The following SCUBE1 variants were observed in gnomAD, a reference collection of about 807,000 sequenced individuals.
SCUBE1 encodes the protein signal peptide, CUB domain and EGF like domain containing 1, also known as signal peptide, CUB and EGF-like domain-containing protein 1.
Under a neutral mutation model 124.4 loss-of-function variants are expected in SCUBE1, and 59 were observed. The ratio of observed to expected loss-of-function variants is 0.47; its 90% CI spans 0.38 to 0.59. SCUBE1 has a LOEUF of 0.59. SCUBE1 is among the 20% of genes least tolerant of loss of function. SCUBE1 has a pLI of 0.00. For missense variants in SCUBE1, 1,150 were observed against 1,371.2 expected (o/e 0.84, Z 2.55); for synonymous variants, 545 against 550.9 (o/e 0.99, Z 0.15).
At chr22:43,286,087 G>A (rs1925129973) in intron 4 of SCUBE1, among the ~76,000 whole-genome samples, 1 of 152,194 alleles carries the variant, frequency 6.6e-6, no homozygotes, top group South Asian at 2.1e-4. Flanking sequence ...CTTGTTGTGG[G>A]GCCCTGGGCC....
chr22:43,212,277 C>A, intron 17 of SCUBE1, 148 bp downstream of exon 17: 2 of 867,408 alleles, frequency 2.3e-6, no homozygotes, highest in Non-Finnish European at 3.5e-6. Context: ...AGTGGGTCAC[C>A]CACGCCCACG....
chr22:43,315,314 A>T (rs1293589117), intron 3 of SCUBE1, among the ~76,000 whole-genome samples: 3 of 152,072 alleles, frequency 2.0e-5, no homozygotes, highest in Non-Finnish European at 4.4e-5. Context: ...GGTGGGCTAG[A>T]GGAACAGGTC....
chr22:43,306,754 G>A (rs181331511), intron 3 of SCUBE1, among the ~76,000 whole-genome samples: 103 of 152,276 alleles, frequency 6.8e-4, no homozygotes, highest in South Asian at 1.7e-3. Context: ...AAAGAAAACC[G>A]AGAGCAGAGA....
At chr22:43,294,946 C>T (rs958743419) in intron 3 of SCUBE1, among the ~76,000 whole-genome samples, 2 of 152,160 alleles carry the variant, frequency 1.3e-5, no homozygotes, top group Admixed American at 1.3e-4. Flanking sequence ...TAAATCCACA[C>T]AACAGCTCCA....
At chr22:43,238,029 C>A (rs1922839532) in intron 7 of SCUBE1, 1 of 152,552 alleles carries the variant, frequency 6.6e-6, no homozygotes. Context: ...GGTAGCTGGA[C>A]CTCCTCATCT....
chr22:43,319,170 G>T (rs962249354), intron 3 of SCUBE1, among the ~76,000 whole-genome samples: 1 of 152,148 alleles, frequency 6.6e-6, no homozygotes, highest in Non-Finnish European at 1.5e-5. Context: ...ACTGTATTTG[G>T]AGACAGGGCC....
At chr22:43,214,041 GCCCCCGCCCA>G in intron 16 of SCUBE1, 39 bp downstream of exon 16, 2 of 484,838 alleles carry the variant, frequency 4.1e-6, no homozygotes, top group Non-Finnish European at 7.0e-6. Flanking sequence ...GACAGGAGGA[GCCCCCGCCCA>G]CCCCCCACCC....
At position 43,234,156 on chromosome 22, in the gene SCUBE1, A is replaced by C. The variant is rs954770622; in HGVS notation, c.845-2281T>G. Among the ~76,000 whole-genome samples, 1 of 151,942 alleles carries C rather than the reference A, an allele frequency of 6.6e-6. No homozygotes were observed. The highest frequency in any genetic ancestry group is 1.5e-5 in the Non-Finnish European group (1 of 67,968). ...GAATCTCTATCATTCCTTCCCCCCGAGCCCCGGGATTATAGGCAGATGGGG... is the reference window on the plus strand; with the variant it reads ...GAATCTCTATCATTCCTTCCCCCCGCGCCCCGGGATTATAGGCAGATGGGG... On this transcript the variant is annotated intron_variant, in intron 7 of 21. Transcript: ENST00000360835. The surrounding 1 kb of genome is among the most constrained non-coding windows in gnomAD (Gnocchi z 4.4).
rs2146704263 is a variant in SCUBE1 at position 43,255,898 on chromosome 22, T to G, written c.727+2321A>C. Among the ~76,000 whole-genome samples, 1 of 152,166 alleles carries G rather than the reference T, an allele frequency of 6.6e-6. No homozygotes were observed. Among genetic ancestry groups the G allele is most frequent in the Non-Finnish European group, 1.5e-5 (1 of 67,990 alleles). ...GAGGCTGAGGTCAGGGCAGACGGGATTCGTCCGCAGAGAGCCACAGAAGCA... is the reference window on the plus strand; with the variant it reads ...GAGGCTGAGGTCAGGGCAGACGGGAGTCGTCCGCAGAGAGCCACAGAAGCA... On this transcript the variant is annotated intron_variant, in intron 6 of 21. Coordinates refer to ENST00000360835, the MANE Select transcript of SCUBE1 (RefSeq NM_173050.5). This position sits in a 1 kb window ranked among gnomAD's most constrained non-coding sequence, Gnocchi z 4.7.
At chr22:43,249,479 G>T (rs2146697115) in intron 6 of SCUBE1, among the ~76,000 whole-genome samples, 1 of 152,292 alleles carries the variant, frequency 6.6e-6, no homozygotes, top group East Asian at 1.9e-4. Flanking sequence ...CTAAGTGTCA[G>T]CCACCATTTC....
At position 43,227,488 on chromosome 22, in the gene SCUBE1, C is replaced by A; in HGVS notation, c.1093G>T (p.Glu365Ter). 6.2e-7 allele frequency: 1 copy of A among 1,612,256 alleles called. No homozygotes were observed. Among genetic ancestry groups the A allele is most frequent in the Non-Finnish European group, 8.5e-7 (1 of 1,179,686 alleles). Residue 365 changes from glutamate (E) to a stop codon, truncating the protein, a stop_gained, in exon 10 of 22, where the codon GAG (glutamate) becomes TAG (stop). Coordinates refer to ENST00000360835, the MANE Select transcript of SCUBE1 (RefSeq NM_173050.5). LOFTEE classifies it high-confidence loss of function. The part of the protein sequence containing the change: ...YGTTHCGDVD[E>*]CSMSNGSCDQ... Reference sequence around the variant, plus strand: ...CAGCTCCCGTTGCTCATGCTGCACTCGTCCACATCTGGAAGCACAGCGGGC... The same window carrying A: ...CAGCTCCCGTTGCTCATGCTGCACTAGTCCACATCTGGAAGCACAGCGGGC...
intron 15 of SCUBE1, among the ~76,000 whole-genome samples, chr22:43,215,967 G>A (rs1012199396): frequency 6.6e-6 from 1 of 152,094 alleles, no homozygotes; most frequent in African/African-American, 2.4e-5. Flanking sequence ...GCACAATTGG[G>A]GAATTTGGAT....
chr22:43,256,712 C>T (rs1242285089), intron 6 of SCUBE1, among the ~76,000 whole-genome samples: 1 of 152,242 alleles, frequency 6.6e-6, no homozygotes, highest in Non-Finnish European at 1.5e-5. Context: ...TTGCACTGCC[C>T]CCGGGCCACA....
In SCUBE1 at chr22:43,255,416, C is replaced by T. The variant is rs1032156136; in HGVS notation, c.727+2803G>A. 5 of 1,333,654 alleles carry T rather than the reference C, an allele frequency of 3.7e-6. No individual in the cohort carries two copies. The highest frequency in any genetic ancestry group is 2.9e-5 in the African/African-American group (2 of 68,892). The allele number at this position is 1,333,654 out of a possible 1,614,324, so 82.6% of individuals were successfully genotyped here. A position where few individuals can be genotyped will look rare whatever the true frequency, so the allele number is the denominator to read the frequency against. On this transcript the variant is annotated intron_variant, in intron 6 of 21. Transcript: ENST00000360835. This position sits in a 1 kb window ranked among gnomAD's most constrained non-coding sequence, Gnocchi z 4.7. ...ACGCCCATGTCCACATGCCAGTGCGCACCCGAGACACACATGTGCACACAC... is the reference window on the plus strand; with the variant it reads ...ACGCCCATGTCCACATGCCAGTGCGTACCCGAGACACACATGTGCACACAC...
At position 43,212,577 on chromosome 22, in the gene SCUBE1, C is replaced by G; in HGVS notation, c.2069G>C (p.Gly690Ala). 6.4e-7 allele frequency: 1 copy of G among 1,566,646 alleles called. No homozygotes were observed. Among genetic ancestry groups the G allele is most frequent in the East Asian group, 2.4e-5 (1 of 41,682 alleles). The change falls in exon 17 of 22, where the codon GGC (glycine) becomes GCC (alanine). Residue 690 changes from glycine to alanine, a missense_variant. Gly to Ala is a moderately conservative substitution (Grantham distance 60). Around this residue, in one of 3 missense-constraint regions of SCUBE1, gnomAD observed 757 missense variants for 840.9 expected, o/e 0.90. Coordinates refer to ENST00000360835, the MANE Select transcript of SCUBE1 (RefSeq NM_173050.5). ...VSECGGQCSP[G>A]FFSADGFKPC... ...CTTGAAGCCATCGGCCGAGAAGAAGCCTGGAGAACACTGGCCTGAAAGTCA... is the reference window on the plus strand; with the variant it reads ...CTTGAAGCCATCGGCCGAGAAGAAGGCTGGAGAACACTGGCCTGAAAGTCA...
intron 3 of SCUBE1, among the ~76,000 whole-genome samples, chr22:43,301,303 C>T (rs1407624592): frequency 6.6e-6 from 1 of 152,134 alleles, no homozygotes; most frequent in Non-Finnish European, 1.5e-5. Flanking sequence ...TCATGCCATC[C>T]CCCTGCCTGA....
intron 1 of SCUBE1, among the ~76,000 whole-genome samples, chr22:43,342,943 C>T (rs1177739672): frequency 1.3e-5 from 2 of 150,000 alleles, no homozygotes; most frequent in African/African-American, 4.8e-5. Flanking sequence ...CTCCCGGGGC[C>T]CCGGCCCACC....
rs750172576 is a variant in SCUBE1 at position 43,223,225 on chromosome 22, G to A, written c.1208-9C>T. ...AAGACACTTGCCTGTCTCTATGAAG[G>A]GAGATACGAGAGAGGGCTGAGAGAG... On this transcript the variant is annotated splice_polypyrimidine_tract_variant and intron_variant, in intron 10 of 21. Coordinates refer to ENST00000360835, the MANE Select transcript of SCUBE1 (RefSeq NM_173050.5). 1 of 1,566,716 alleles carries A rather than the reference G, an allele frequency of 6.4e-7. No homozygotes were observed. The highest frequency in any genetic ancestry group is 1.2e-5 in the South Asian group (1 of 82,880).
chr22:43,324,892 A>G (rs1400591534), intron 2 of SCUBE1, among the ~76,000 whole-genome samples: 1 of 150,478 alleles, frequency 6.6e-6, no homozygotes, highest in Non-Finnish European at 1.5e-5. Flanking sequence ...CCAGGACCAG[A>G]GAATGTGATC....
Sources: gnomAD v4.1 joint callset for allele counts (sites outside exome capture counted in the v4.1 genomes callset) on GRCh38, gnomAD v4.1.1 for gene constraint, gnomAD v4.1.1 regional missense constraint, Gnocchi (gnomAD v3.1) non-coding constraint, MANE v1.5 for transcripts, NCBI Gene and HGNC (gene_info 2026-07-23, HGNC 2026-07-21) for gene names.